Variants in CLDN16 observed in about 807,000 individuals in gnomAD.
CLDN16 encodes the protein claudin 16, also known as claudin-16.
A neutral mutation model predicts 24.6 loss-of-function variants in CLDN16; 13 were observed. The observed-to-expected ratio is 0.53, with a 90% CI of 0.34 to 0.84. The LOEUF is 0.84. Among genes scored for constraint, CLDN16 ranks in the 40% least tolerant of loss-of-function variants. The pLI is 0.01. For missense variants in CLDN16, 298 were observed against 292.7 expected, an observed-to-expected ratio of 1.02 and a Z score of -0.13; for synonymous variants, 116 against 106.7, an observed-to-expected ratio of 1.09 and a Z score of -0.54.
At chr3:190,397,940 A>T (rs1235106700) in intron 1 of CLDN16, among the ~76,000 whole-genome samples, 1 of 152,230 alleles carries the variant, frequency 6.6e-6, no homozygotes, top group Admixed American at 6.5e-5. Flanking sequence ...TGCATTTCAG[A>T]TCACTTTCTA....
chr3:190,331,577 AATGCAGAT>A (rs1399524821), intron 1 of CLDN16, among the ~76,000 whole-genome samples: 1 of 152,176 alleles, frequency 6.6e-6, no homozygotes, highest in African/African-American at 2.4e-5. Flanking sequence ...ACATACTGGC[AATGCAGAT>A]ATAGAGCATT....
intron 1 of CLDN16, among the ~76,000 whole-genome samples, chr3:190,355,433 G>A (rs940692494): frequency 6.6e-6 from 1 of 151,802 alleles, no homozygotes; most frequent in African/African-American, 2.4e-5. Flanking sequence ...GACTACAAAA[G>A]CAATGTTCTA....
intron 1 of CLDN16, among the ~76,000 whole-genome samples, chr3:190,327,224 C>T (rs1029747345): frequency 6.6e-6 from 1 of 152,140 alleles, no homozygotes; most frequent in African/African-American, 2.4e-5. Flanking sequence ...TTTCAGAATT[C>T]CTGCTCTTCT....
At chr3:190,325,604 G>A (rs1263305517) in intron 1 of CLDN16, among the ~76,000 whole-genome samples, 1 of 152,160 alleles carries the variant, frequency 6.6e-6, no homozygotes, top group African/African-American at 2.4e-5. Flanking sequence ...ATAATAAGTA[G>A]AAGAGATATA....
At chr3:190,361,515 C>T (rs1013469977) in intron 1 of CLDN16, among the ~76,000 whole-genome samples, 2 of 151,900 alleles carry the variant, frequency 1.3e-5, no homozygotes, top group Non-Finnish European at 2.9e-5. Flanking sequence ...AGTCGGCCTT[C>T]GTAGGACTAA....
chr3:190,343,200 T>G (rs1717476280), intron 1 of CLDN16, among the ~76,000 whole-genome samples: 1 of 152,038 alleles, frequency 6.6e-6, no homozygotes, highest in Non-Finnish European at 1.5e-5. Context: ...AACAAGTGTA[T>G]GAAAAAGAGC....
In CLDN16 at chr3:190,370,593, G is replaced by A. The variant is rs536057842; in HGVS notation, n.122-300G>A. ...ATGATGAGCTAAACCTACGTCATGT[G>A]CAACCTGCAAAAAAAGTGTTTTGAT... is the stretch of plus-strand genomic sequence containing the variant. On this transcript the variant is annotated intron_variant and non_coding_transcript_variant, in intron 1 of 4. Coordinates refer to the CLDN16 transcript ENST00000468220. Among the ~76,000 whole-genome samples, 3 of 151,974 alleles carry A rather than the reference G, an allele frequency of 2.0e-5. No individual in the cohort carries two copies. The South Asian group carries it at 6.2e-4, about 32-fold the overall frequency.
At chr3:190,316,855 C>T in the CLDN16 span, among the ~76,000 whole-genome samples, 2 of 152,038 alleles carry the variant, frequency 1.3e-5, no homozygotes, top group African/African-American at 4.8e-5. Context: ...TGAGAAATAC[C>T]TCCCTTGAGA....
At chr3:190,368,558 G>A (rs1284711419) in intron 1 of CLDN16, among the ~76,000 whole-genome samples, 1 of 151,974 alleles carries the variant, frequency 6.6e-6, no homozygotes, top group Non-Finnish European at 1.5e-5. Context: ...ACCAATCAGT[G>A]TGTTTCATTC....
At chr3:190,305,784 C>A in the CLDN16 span, 1 of 152,260 alleles carries the variant, frequency 6.6e-6, no homozygotes, top group Non-Finnish European at 1.5e-5. Flanking sequence ...CCCAAAATGT[C>A]TATTGGTCTG....
intron 2 of CLDN16, among the ~76,000 whole-genome samples, chr3:190,404,116 A>G (rs1719029504): frequency 6.6e-6 from 1 of 152,164 alleles, no homozygotes; most frequent in African/African-American, 2.4e-5. Context: ...TAAAACCCAT[A>G]TGGCCTAATA....
At chr3:190,388,703 G>A (rs1718572892) in intron 1 of CLDN16, among the ~76,000 whole-genome samples, 1 of 152,038 alleles carries the variant, frequency 6.6e-6, no homozygotes, top group Non-Finnish European at 1.5e-5. Context: ...TTTCCACAAG[G>A]GTAATTAAGT....
At chr3:190,337,946 A>G (rs1717347650) in intron 1 of CLDN16, among the ~76,000 whole-genome samples, 1 of 152,190 alleles carries the variant, frequency 6.6e-6, no homozygotes, top group Admixed American at 6.5e-5. Context: ...AGAGCATAGG[A>G]AAGCCCCTTT....
At chr3:190,391,834 C>T (rs1049366444) in intron 1 of CLDN16, among the ~76,000 whole-genome samples, 2 of 152,172 alleles carry the variant, frequency 1.3e-5, no homozygotes, top group African/African-American at 4.8e-5. Flanking sequence ...ACATCAGTGA[C>T]TAGAGGCCCT....
chr3:190,384,852 T>C (rs564746406), upstream of CLDN16, among the ~76,000 whole-genome samples: 15 of 152,300 alleles, frequency 9.8e-5, no homozygotes, highest in South Asian at 2.7e-3. Context: ...TTAGATGAGA[T>C]AATATATCTG....
chr3:190,388,110 G>T (rs775681526), upstream of CLDN16: 3 of 1,613,526 alleles, frequency 1.9e-6, no homozygotes, highest in Non-Finnish European at 2.5e-6. Context: ...GAGGCTGGTT[G>T]CTTCGGATAA....
chr3:190,328,967 T>C (rs182974657), intron 1 of CLDN16, among the ~76,000 whole-genome samples: 16 of 152,238 alleles, frequency 1.1e-4, no homozygotes, highest in Non-Finnish European at 1.9e-4. Flanking sequence ...CTGGGCCCTG[T>C]AGGCATTTGG....
chr3:190,294,434 T>G, the CLDN16 span, among the ~76,000 whole-genome samples: 1 of 152,192 alleles, frequency 6.6e-6, no homozygotes, highest in African/African-American at 2.4e-5. Flanking sequence ...TAAATAAGCA[T>G]TGTCTAAAAT....
chr3:190,335,280 G>T (rs1206653558), intron 1 of CLDN16, among the ~76,000 whole-genome samples: 1 of 151,878 alleles, frequency 6.6e-6, no homozygotes, highest in African/African-American at 2.4e-5. Context: ...TTGACCTCAG[G>T]TGATCCTCTC....
Sources: allele counts gnomAD v4.1 joint callset (sites outside exome capture counted in the v4.1 genomes callset), GRCh38; gene constraint gnomAD v4.1.1; transcripts MANE v1.5; gene names NCBI Gene and HGNC (gene_info 2026-07-23, HGNC 2026-07-21).